Variants in CNBD1 observed in about 807,000 individuals in gnomAD.
The protein encoded by CNBD1 is cyclic nucleotide-binding domain-containing protein 1.
CNBD1 carries 71 observed loss-of-function variants against 54.4 expected under a neutral mutation model. The ratio of observed to expected loss-of-function variants is 1.30; its 90% confidence interval spans 1.08 to 1.59. The LOEUF (loss-of-function observed/expected upper bound fraction) is 1.59. CNBD1 is among the 40% of genes most tolerant of loss of function. CNBD1 has a pLI of 0.00. For synonymous variants in CNBD1, 182 were observed against 170.7 expected (o/e 1.07, Z -0.51); for missense variants, 659 against 518.0 (o/e 1.27, Z -2.64).
At chr8:87,127,449 T>C (rs1212857594) in intron 4 of CNBD1, among the ~76,000 whole-genome samples, 1 of 152,198 alleles carries the variant, frequency 6.6e-6, no homozygotes, top group East Asian at 1.9e-4. Flanking sequence ...TTTCACTATC[T>C]GGACGTTCAT....
At chr8:87,030,770 C>T (rs57582247) in intron 4 of CNBD1, among the ~76,000 whole-genome samples, 4,487 of 151,798 alleles carry the variant, frequency 0.03, 233 homozygotes, top group African/African-American at 0.1. Flanking sequence ...CAGCTCCAGC[C>T]ATAACATCTG....
In CNBD1 at chr8:87,351,868, A is replaced by C. The variant is rs933246106; in HGVS notation, c.1152+74A>C. 11 of 1,259,954 alleles carry C rather than the reference A, an allele frequency of 8.7e-6. No homozygotes were observed. In the East Asian group the frequency reaches 3.2e-4, roughly 36 times the overall value. The allele number at this position is 1,259,954 out of a possible 1,614,324, so 78.0% of individuals were successfully genotyped here. The stretch of plus-strand genomic sequence containing the variant: ...AATAGTGTCAGATACCTTTTCATGT[A>C]CTTACTAGACATTTATTTGTATTAC... On this transcript the variant is annotated intron_variant, in intron 9 of 10. Transcript: ENST00000518476.
In CNBD1 at chr8:87,126,005, GTTCC is replaced by G. The variant is rs145636402; in HGVS notation, c.432-79981_432-79978del. On this transcript the variant is annotated intron_variant, in intron 4 of 10. Transcript: ENST00000518476. ...ATATATGTTGCTGCATGTATCATTT[GTTCC>G]TTCCTTTTTATTTCTGAGTAATATT... is the stretch of plus-strand genomic sequence containing the variant. Among the ~76,000 whole-genome samples, 1,053 of 151,874 alleles carry G rather than the reference GTTCC, an allele frequency of 6.9e-3. 10 individuals are homozygous for G. The highest frequency in any genetic ancestry group is 0.023 in the African/African-American group (967 of 41,492).
intron 6 of CNBD1, among the ~76,000 whole-genome samples, chr8:87,283,333 T>G (rs1368825828): frequency 2.0e-5 from 3 of 152,194 alleles, no homozygotes; most frequent in African/African-American, 7.2e-5. Context: ...TTGTTCAATT[T>G]TTTTCTCCTT....
rs1586273600 is a variant in CNBD1, at chr8:87,125,807, C to T, written c.432-80186C>T. ...ATCACTTCCTCATTTCCTCATATCTCTTTTTAATCCCTCCGTCCTAACTGT... is the reference window on the plus strand; with the variant it reads ...ATCACTTCCTCATTTCCTCATATCTTTTTTTAATCCCTCCGTCCTAACTGT... On this transcript the variant is annotated intron_variant, in intron 4 of 10. Coordinates refer to ENST00000518476, the MANE Select transcript of CNBD1 (RefSeq NM_173538.3). 2.0e-5 allele frequency among the ~76,000 whole-genome samples: 3 copies of T among 151,894 alleles called. No individual in the cohort carries two copies. In the East Asian group the frequency reaches 5.8e-4, roughly 29 times the overall value.
chr8:87,403,810 T>A, intron 2 of CNBD1, among the ~76,000 whole-genome samples: 1 of 151,958 alleles, frequency 6.6e-6, no homozygotes, highest in East Asian at 1.9e-4. Flanking sequence ...ACACAAATCA[T>A]TTGAGTTTTA....
At chr8:87,331,480 G>T (rs1405632285) in intron 8 of CNBD1, among the ~76,000 whole-genome samples, 2 of 152,096 alleles carry the variant, frequency 1.3e-5, no homozygotes, top group African/African-American at 2.4e-5. Flanking sequence ...CATTTGGGTT[G>T]GTTCCATGTG....
chr8:87,129,923 G>GA (rs1470802606), intron 4 of CNBD1, among the ~76,000 whole-genome samples: 1 of 152,146 alleles, frequency 6.6e-6, no homozygotes, highest in East Asian at 1.9e-4. Context: ...CGTGGCTGGG[G>GA]AAGCCTCACA....
intron 4 of CNBD1, among the ~76,000 whole-genome samples, chr8:87,035,076 T>C (rs907685718): frequency 1.3e-5 from 2 of 152,196 alleles, no homozygotes; most frequent in African/African-American, 2.4e-5. Flanking sequence ...ATGTTCCTTT[T>C]TTATAAATAT....
intron 2 of CNBD1, among the ~76,000 whole-genome samples, chr8:87,404,331 A>C (rs1807618338): frequency 6.6e-6 from 1 of 152,064 alleles, no homozygotes; most frequent in Admixed American, 6.6e-5. Context: ...ACTTTTCATC[A>C]TTGCCATGTT....
At chr8:87,211,744 C>A (rs1311557728) in intron 5 of CNBD1, among the ~76,000 whole-genome samples, 1 of 152,204 alleles carries the variant, frequency 6.6e-6, no homozygotes, top group Non-Finnish European at 1.5e-5. Flanking sequence ...CATGCTCATG[C>A]AGCCTGCAGA....
downstream of CNBD1, among the ~76,000 whole-genome samples, chr8:87,384,105 C>A (rs1353045229): frequency 6.6e-6 from 1 of 151,992 alleles, no homozygotes; most frequent in African/African-American, 2.4e-5. Context: ...AGTGAACATA[C>A]TGATTGAATA....
At chr8:87,229,840 A>T (rs1480112708) in intron 5 of CNBD1, among the ~76,000 whole-genome samples, 1 of 152,228 alleles carries the variant, frequency 6.6e-6, no homozygotes, top group Admixed American at 6.5e-5. Context: ...TAGATTTATG[A>T]ATATGCCAAC....
chr8:87,371,634 C>T (rs1810803606), intron 10 of CNBD1, among the ~76,000 whole-genome samples: 1 of 152,090 alleles, frequency 6.6e-6, no homozygotes, highest in South Asian at 2.1e-4. Flanking sequence ...AAAAGCTTAT[C>T]CACTATGATC....
intron 3 of CNBD1, 88 bp downstream of exon 3, chr8:86,905,282 T>G: frequency 1.4e-6 from 1 of 736,614 alleles, no homozygotes; most frequent in East Asian, 2.7e-5. Context: ...ACTGAAAATA[T>G]TTGACCAGTT....
chr8:87,294,451 G>A (rs1247690979), intron 8 of CNBD1, among the ~76,000 whole-genome samples: 1 of 152,082 alleles, frequency 6.6e-6, no homozygotes, highest in African/African-American at 2.4e-5. Flanking sequence ...GGTTGAAAGG[G>A]ACCTGTGCTC....
chr8:87,005,310 C>T (rs527399307), intron 4 of CNBD1, among the ~76,000 whole-genome samples: 5 of 151,446 alleles, frequency 3.3e-5, no homozygotes, highest in African/African-American at 1.2e-4. Flanking sequence ...GCAGAGCTTG[C>T]GGTGAGCTGA....
chr8:87,077,820 A>G (rs917044452), intron 4 of CNBD1, among the ~76,000 whole-genome samples: 1 of 152,060 alleles, frequency 6.6e-6, no homozygotes, highest in African/African-American at 2.4e-5. Context: ...TCTATCATTG[A>G]TGGACATTTG....
chr8:87,249,535 C>T (rs758667974), intron 6 of CNBD1, among the ~76,000 whole-genome samples: 1 of 152,060 alleles, frequency 6.6e-6, no homozygotes, highest in Non-Finnish European at 1.5e-5. Flanking sequence ...CATTTCCATC[C>T]CATTGGCTAG....
Sources: gnomAD v4.1 joint callset for allele counts (sites outside exome capture counted in the v4.1 genomes callset) on GRCh38, gnomAD v4.1.1 for gene constraint, MANE v1.5 for transcripts, NCBI Gene and HGNC (gene_info 2026-07-23, HGNC 2026-07-21) for gene names.